Variants in MS4A13 observed in about 807,000 individuals in gnomAD.
MS4A13 encodes membrane-spanning 4-domains subfamily A member 13.
MS4A13 carries 21 observed loss-of-function variants against 18.4 expected under a neutral mutation model. The observed-to-expected ratio is 1.14, with a 90% CI of 0.81 to 1.64. The LOEUF (loss-of-function observed/expected upper bound fraction) is 1.64. MS4A13 is among the 40% of genes most tolerant of loss of function. The pLI, the probability that MS4A13 is intolerant of heterozygous loss-of-function variation, is 0.00. For missense variants in MS4A13, 173 were observed against 176.8 expected (o/e 0.98, Z 0.12); for synonymous variants, 62 against 57.2 (o/e 1.08, Z -0.38).
At chr11:60,516,570 A>C (rs2086638876) in intron 2 of MS4A13, among the ~76,000 whole-genome samples, 1 of 152,222 alleles carries the variant, frequency 6.6e-6, no homozygotes, top group Non-Finnish European at 1.5e-5. Context: ...TGTTCAGCAG[A>C]GGTTCTTAAC....
rs780620932 is a variant in MS4A13, at chr11:60,542,582, T to C, written c.*7T>C. ...AGCTGAGAGCACTCCTTAAAAACCC[T>C]AGAAATATGAGAATTTTGCTGTTGC... On this transcript the variant is annotated 3_prime_UTR_variant, in exon 7 of 7. Coordinates refer to ENST00000378186, the MANE Select transcript of MS4A13 (RefSeq NM_001012417.3). 2.5e-6 allele frequency: 4 copies of C among 1,598,322 alleles called. No homozygotes were observed. In the Middle Eastern group the frequency reaches 5.0e-4, roughly 200 times the overall value.
At position 60,528,643 on chromosome 11, in the gene MS4A13, T is replaced by G. The variant is rs186739205; in HGVS notation, c.307-722T>G. ...AGAGAAGGAATTGAAAGGGAGAGAA[T>G]TATGATGTCATTCTTTCTAGTTCTG... is the stretch of plus-strand genomic sequence containing the variant. On this transcript the variant is annotated intron_variant, in intron 5 of 6. Coordinates refer to ENST00000378186, the MANE Select transcript of MS4A13 (RefSeq NM_001012417.3). 4.1e-3 allele frequency among the ~76,000 whole-genome samples: 622 copies of G among 152,290 alleles called. 8 individuals are homozygous for G. Among genetic ancestry groups the G allele is most frequent in the African/African-American group, 0.014 (581 of 41,560 alleles).
chr11:60,523,976 T>A, intron 4 of MS4A13, 23 bp downstream of exon 4: 4 of 1,380,218 alleles, frequency 2.9e-6, no homozygotes, highest in Non-Finnish European at 4.1e-6. Flanking sequence ...GTTTGAGGTA[T>A]CTCTAGAAAT....
chr11:60,539,875 G>A (rs921540443), intron 6 of MS4A13, among the ~76,000 whole-genome samples: 1 of 152,142 alleles, frequency 6.6e-6, no homozygotes, highest in Non-Finnish European at 1.5e-5. Context: ...CCTCAAAAAT[G>A]AAGGTGAAAT....
At position 60,525,646 on chromosome 11, in the gene MS4A13, T is replaced by G. The variant is rs554110654; in HGVS notation, c.306+320T>G. ...ACAAGAAAAGTATAATCCTGGACAA[T>G]AAAACCATTTTGCAAATAAACAAAA... On this transcript the variant is annotated intron_variant, in intron 5 of 6. Coordinates refer to ENST00000378186, the MANE Select transcript of MS4A13 (RefSeq NM_001012417.3). 2.0e-5 allele frequency among the ~76,000 whole-genome samples: 3 copies of G among 152,314 alleles called. No individual in the cohort carries two copies. In the East Asian group the frequency reaches 5.8e-4, roughly 29 times the overall value.
chr11:60,515,692 C>T (rs1214905676), intron 1 of MS4A13, 85 bp downstream of exon 1: 1 of 152,222 alleles, frequency 6.6e-6, no homozygotes, highest in Non-Finnish European at 1.5e-5. Context: ...CTCTCCCTAT[C>T]ATACTCTGTA....
intron 5 of MS4A13, 83 bp from the exon 6 acceptor site, chr11:60,529,277 ACTCTC>A (rs2135260347): frequency 1.5e-5 from 1 of 67,286 alleles, no homozygotes; most frequent in Middle Eastern, 3.6e-3. Flanking sequence ...TTTTTTTTTG[ACTCTC>A]ATACCAGTAG....
At chr11:60,542,885 A>C (rs2135276652), downstream of MS4A13, among the ~76,000 whole-genome samples, 1 of 152,274 alleles carries the variant, frequency 6.6e-6, no homozygotes, top group East Asian at 1.9e-4. Flanking sequence ...TTATCTCTAG[A>C]GTGAAGGCTA....
chr11:60,530,796 GT>G (rs1230775650), intron 6 of MS4A13, among the ~76,000 whole-genome samples: 1 of 152,156 alleles, frequency 6.6e-6, no homozygotes, highest in Non-Finnish European at 1.5e-5. Flanking sequence ...CATGGGGGCA[GT>G]TTTCCCCATG....
chr11:60,532,536 C>T (rs1454645391), intron 6 of MS4A13, among the ~76,000 whole-genome samples: 26 of 152,292 alleles, frequency 1.7e-4, no homozygotes, highest in Admixed American at 1.5e-3. Flanking sequence ...CACGGAATCT[C>T]GCTGATTGCT....
At chr11:60,529,320 C>G in intron 5 of MS4A13, 45 bp from the exon 6 acceptor site, 1 of 863,922 alleles carries the variant, frequency 1.2e-6, no homozygotes, top group Non-Finnish European at 1.7e-6. Flanking sequence ...TTTGCACTCA[C>G]TAAAGATAAT....
intron 5 of MS4A13, among the ~76,000 whole-genome samples, chr11:60,525,764 T>C (rs2086709488): frequency 6.6e-6 from 1 of 152,186 alleles, no homozygotes; most frequent in African/African-American, 2.4e-5. Flanking sequence ...TATCTTTGCA[T>C]CTTACATAAA....
intron 6 of MS4A13, among the ~76,000 whole-genome samples, chr11:60,540,767 C>T (rs932111820): frequency 3.3e-5 from 5 of 151,996 alleles, no homozygotes; most frequent in Admixed American, 2.0e-4. Context: ...GGCAACATGA[C>T]GAGACCTCAT....
At chr11:60,530,545 G>A (rs149624039) in intron 6 of MS4A13, among the ~76,000 whole-genome samples, 2 of 152,272 alleles carry the variant, frequency 1.3e-5, no homozygotes, top group African/African-American at 2.4e-5. Context: ...GAACAAAATT[G>A]TCAATGAACA....
At position 60,529,380 on chromosome 11, in the gene MS4A13, G is replaced by A. The variant is rs148512147; in HGVS notation, c.322G>A (p.Val108Ile). ...NYGQAKLGRE[V>I]SRILLFFYGL... is the part of the protein sequence containing the mutation. ...TTGGTTATAGAAACTTGGGAGGGAA[G>A]TATCACGTATTTTACTGTTCTTCTA... Residue 108 changes from valine (V) to isoleucine (I), a missense_variant, in exon 6 of 7, where the codon GTA becomes ATA. Physicochemically the swap from Val to Ile is conservative, Grantham distance 29. Transcript: ENST00000378186. 42 of 1,590,180 alleles carry A rather than the reference G, an allele frequency of 2.6e-5. No individual in the cohort carries two copies. The African/African-American group carries it at 5.3e-4, about 20-fold the overall frequency.
intron 6 of MS4A13, among the ~76,000 whole-genome samples, chr11:60,533,883 A>C (rs1267697616): frequency 3.8e-4 from 25 of 65,624 alleles, no homozygotes; most frequent in African/African-American, 1.6e-3. Context: ...TTCTGAAAGA[A>C]AAGAATTTTC....
chr11:60,524,303 T>G (rs1416544359), intron 4 of MS4A13, among the ~76,000 whole-genome samples: 2 of 152,226 alleles, frequency 1.3e-5, no homozygotes, highest in Non-Finnish European at 2.9e-5. Context: ...TTTTCTGAAC[T>G]ATCCAGTTTG....
chr11:60,517,946 C>T (rs2086647916), intron 2 of MS4A13, 126 bp from the exon 3 acceptor site: 1 of 664,830 alleles, frequency 1.5e-6, no homozygotes, highest in South Asian at 2.7e-5. Context: ...GGAAATACAT[C>T]ATTAAGTGCA....
rs570481748 is a variant in MS4A13 at position 60,538,221 on chromosome 11, G to A, written c.403-4298G>A. Among the ~76,000 whole-genome samples the A allele has an allele frequency of 3.5e-5, 5 of 144,412 alleles. No homozygotes were observed. The South Asian group carries it at 1.2e-3, about 33-fold the overall frequency. 94.7% of individuals were successfully genotyped at this position (144,412 alleles called of 152,430 possible). ...AAAAAAAAACAAAGTTGAACTCATA[G>A]AAGCAGAAGGTAGAATGATGAATAC... On this transcript the variant is annotated intron_variant, in intron 6 of 6. Coordinates refer to ENST00000378186, the MANE Select transcript of MS4A13 (RefSeq NM_001012417.3).
Sources: allele counts gnomAD v4.1 joint callset (sites outside exome capture counted in the v4.1 genomes callset), GRCh38; gene constraint gnomAD v4.1.1; transcripts MANE v1.5; gene names NCBI Gene and HGNC (gene_info 2026-07-23, HGNC 2026-07-21).